The following TOM1L2 variants were observed in gnomAD, a reference collection of about 807,000 sequenced individuals.
TOM1L2 encodes TOM1-like protein 2.
In TOM1L2, 31 loss-of-function variants were observed where a neutral mutation model predicts 67.9. The ratio of observed to expected loss-of-function variants is 0.46; its 90% CI spans 0.34 to 0.62. TOM1L2 has a LOEUF of 0.62. Among genes scored for constraint, TOM1L2 ranks in the 20% least tolerant of loss-of-function variants. The pLI is 0.01. For synonymous variants in TOM1L2, 256 were observed against 254.0 expected, an observed-to-expected ratio of 1.01 and a Z score of -0.07; for missense variants, 606 against 663.5, an observed-to-expected ratio of 0.91 and a Z score of 0.95.
chr17:17,969,332 A>G (rs889234471), intron 1 of TOM1L2, among the ~76,000 whole-genome samples: 1 of 152,182 alleles, frequency 6.6e-6, no homozygotes, highest in African/African-American at 2.4e-5. Flanking sequence ...CTGGGATTAC[A>G]GGCATGAGCC....
Position 17,862,808 on chromosome 17 carries a change from G to A in TOM1L2, c.1125C>T (p.Leu375=). The change falls in exon 11 of 15, where the codon CTC becomes CTT. Residue 375 remains leucine (L), a synonymous_variant. Coordinates refer to ENST00000379504, the MANE Select transcript of TOM1L2 (RefSeq NM_001082968.2). ...AGCCGTCACGGGGATTACATTGCTGGAGTGAACTGAGGGTGCCACTGACGC... is the reference window on the plus strand; with the variant it reads ...AGCCGTCACGGGGATTACATTGCTGAAGTGAACTGAGGGTGCCACTGACGC... ...TESVSGTLSS[L]QQCNPRDGFD... The A allele has an allele frequency of 6.2e-7, 1 of 1,614,196 alleles. No homozygotes were observed. Among genetic ancestry groups the A allele is most frequent in the Non-Finnish European group, 8.5e-7 (1 of 1,180,036 alleles).
At chr17:17,968,014 T>C (rs992869293) in intron 1 of TOM1L2, among the ~76,000 whole-genome samples, 1 of 152,230 alleles carries the variant, frequency 6.6e-6, no homozygotes, top group Non-Finnish European at 1.5e-5. Flanking sequence ...ACTGTGGTCT[T>C]AGCCGCTAAC....
At chr17:17,937,349 T>C (rs946783124) in intron 1 of TOM1L2, among the ~76,000 whole-genome samples, 8 of 152,144 alleles carry the variant, frequency 5.3e-5, no homozygotes, top group African/African-American at 1.9e-4. Flanking sequence ...AATAAGGAAA[T>C]GGTAGCCTGT....
chr17:17,864,415 C>T (rs910436034), intron 10 of TOM1L2, among the ~76,000 whole-genome samples: 6 of 151,086 alleles, frequency 4.0e-5, no homozygotes, highest in East Asian at 2.0e-4. Flanking sequence ...TTTCACCGTG[C>T]TAGCCAGGAT....
At chr17:17,920,106 A>C (rs1374681229) in intron 1 of TOM1L2, among the ~76,000 whole-genome samples, 2 of 152,082 alleles carry the variant, frequency 1.3e-5, no homozygotes, top group African/African-American at 4.8e-5. Context: ...CCTGATTTTT[A>C]GGTGAAGTCT....
chr17:17,868,652 CATT>C (rs745316269), intron 8 of TOM1L2, among the ~76,000 whole-genome samples: 11 of 152,140 alleles, frequency 7.2e-5, no homozygotes, highest in Non-Finnish European at 1.5e-4. Flanking sequence ...CTGTGCTTGC[CATT>C]ATTCCTCCTA....
At chr17:17,885,789 G>A (rs997372577) in intron 4 of TOM1L2, among the ~76,000 whole-genome samples, 1 of 151,880 alleles carries the variant, frequency 6.6e-6, no homozygotes, top group Non-Finnish European at 1.5e-5. Flanking sequence ...GCTGGGCGTG[G>A]TGGCGGGTGC....
chr17:17,884,779 A>G lies in TOM1L2; in HGVS notation c.367-11T>C, dbSNP rs752775745. The G allele has an allele frequency of 7.4e-6, 12 of 1,612,982 alleles. No homozygotes were observed. The Middle Eastern group carries it at 5.7e-4, about 77-fold the overall frequency. ...GGCATCAGCCCATGCCTGGGATAATAGAAGGCCTGTTAGGAAGCATTTCTC... is the reference window on the plus strand; with the variant it reads ...GGCATCAGCCCATGCCTGGGATAATGGAAGGCCTGTTAGGAAGCATTTCTC... On this transcript the variant is annotated splice_polypyrimidine_tract_variant and intron_variant, in intron 4 of 14. Transcript: ENST00000379504.
chr17:17,965,884 GC>G (rs1378498952), intron 1 of TOM1L2, among the ~76,000 whole-genome samples: 2 of 152,222 alleles, frequency 1.3e-5, no homozygotes, highest in Non-Finnish European at 2.9e-5. Context: ...ACTTTGGGTG[GC>G]CAAGGTGGGT....
At chr17:17,864,809 A>G (rs2036758088) in intron 10 of TOM1L2, among the ~76,000 whole-genome samples, 1 of 152,082 alleles carries the variant, frequency 6.6e-6, no homozygotes, top group African/African-American at 2.4e-5. Flanking sequence ...TTTGAATTTT[A>G]AGTATTAAAT....
chr17:17,873,268 T>G (rs568172197), intron 7 of TOM1L2, among the ~76,000 whole-genome samples: 1 of 152,320 alleles, frequency 6.6e-6, no homozygotes, highest in East Asian at 1.9e-4. Context: ...GCCTATCACC[T>G]AGATTGTACC....
At chr17:17,893,901 C>A in intron 3 of TOM1L2, 91 bp from the exon 4 acceptor site, 1 of 1,353,770 alleles carries the variant, frequency 7.4e-7, no homozygotes, top group East Asian at 2.3e-5. Flanking sequence ...TCCACCATCC[C>A]CTCTGTCTTG....
chr17:17,966,679 C>A (rs2041882959), intron 1 of TOM1L2, among the ~76,000 whole-genome samples: 1 of 152,228 alleles, frequency 6.6e-6, no homozygotes, highest in Non-Finnish European at 1.5e-5. Flanking sequence ...CTAGGCTTCA[C>A]TCTGCCATTG....
chr17:17,925,978 C>A (rs1199935844), intron 1 of TOM1L2, among the ~76,000 whole-genome samples: 1 of 151,896 alleles, frequency 6.6e-6, no homozygotes, highest in Non-Finnish European at 1.5e-5. Flanking sequence ...CAAAACCAGC[C>A]TGGGTAACAC....
chr17:17,857,743 G>A, intron 12 of TOM1L2: 1 of 1,532,318 alleles, frequency 6.5e-7, no homozygotes. Flanking sequence ...TGGACAGCAG[G>A]CTTGGCTCGG....
At chr17:17,925,250 A>G (rs749547547) in intron 1 of TOM1L2, among the ~76,000 whole-genome samples, 1 of 152,204 alleles carries the variant, frequency 6.6e-6, no homozygotes, top group African/African-American at 2.4e-5. Flanking sequence ...TACAGCCATT[A>G]TAAGTAATAA....
intron 1 of TOM1L2, among the ~76,000 whole-genome samples, chr17:17,923,398 T>G (rs767781016): frequency 2.0e-5 from 3 of 151,906 alleles, no homozygotes; most frequent in African/African-American, 7.2e-5. Flanking sequence ...TGAAACTCCA[T>G]CTCAAACAAC....
chr17:17,878,562 G>A (rs940380765), intron 7 of TOM1L2, among the ~76,000 whole-genome samples: 1 of 152,210 alleles, frequency 6.6e-6, no homozygotes, highest in Non-Finnish European at 1.5e-5. Context: ...TTGGGACCAG[G>A]ACAGGGCCTT....
chr17:17,923,262 G>A (rs763335303), intron 1 of TOM1L2, among the ~76,000 whole-genome samples: 5 of 152,114 alleles, frequency 3.3e-5, no homozygotes, highest in Non-Finnish European at 5.9e-5. Flanking sequence ...TTAGCCAGGC[G>A]TGGTGGTGGG....
Sources: allele counts gnomAD v4.1 joint callset (sites outside exome capture counted in the v4.1 genomes callset), GRCh38; gene constraint gnomAD v4.1.1; transcripts MANE v1.5; gene names NCBI Gene and HGNC (gene_info 2026-07-23, HGNC 2026-07-21).